Variants in GSK3B observed in about 807,000 individuals in gnomAD.
GSK3B encodes glycogen synthase kinase 3 beta, also known as glycogen synthase kinase-3 beta.
A neutral mutation model predicts 56.4 loss-of-function variants in GSK3B; 15 were observed. The observed-to-expected ratio is 0.27, with a 90% CI of 0.18 to 0.41. The LOEUF (loss-of-function observed/expected upper bound fraction) is 0.41. Ranked by LOEUF, GSK3B falls within the 10% of genes least tolerant of loss-of-function variation. The probability of loss-of-function intolerance (pLI) is 1.00; values close to 1 mark genes in which losing one functional copy is unlikely to be tolerated. For synonymous variants in GSK3B, 181 were observed against 188.9 expected (o/e 0.96, Z 0.34); for missense variants, 300 against 513.4 (o/e 0.58, Z 4.02).
chr3:119,926,463 C>T (rs767138127), intron 3 of GSK3B, among the ~76,000 whole-genome samples: 2 of 152,056 alleles, frequency 1.3e-5, no homozygotes, highest in African/African-American at 4.8e-5. Flanking sequence ...CTGGTAGAAC[C>T]CTCGTCCAAG....
At chr3:119,958,683 C>T (rs1376854282) in intron 2 of GSK3B, among the ~76,000 whole-genome samples, 5 of 151,362 alleles carry the variant, frequency 3.3e-5, no homozygotes, top group Non-Finnish European at 2.9e-5. Flanking sequence ...GTCTCTCCCT[C>T]GACCCTGGAA....
intron 1 of GSK3B, among the ~76,000 whole-genome samples, chr3:120,085,069 T>G (rs2107581223): frequency 6.6e-6 from 1 of 152,338 alleles, no homozygotes; most frequent in African/African-American, 2.4e-5. Context: ...AACTGGTTGT[T>G]GCAGAGCAGG....
intron 1 of GSK3B, among the ~76,000 whole-genome samples, chr3:120,011,183 AT>A (rs1468555885): frequency 3.9e-5 from 6 of 152,210 alleles, no homozygotes; most frequent in African/African-American, 1.4e-4. Flanking sequence ...GCATAACCAT[AT>A]TTCAATAAAG....
intron 3 of GSK3B, among the ~76,000 whole-genome samples, chr3:119,946,763 C>A (rs1304512309): frequency 6.6e-6 from 1 of 152,166 alleles, no homozygotes; most frequent in Non-Finnish European, 1.5e-5. Context: ...ACATAGGGAT[C>A]ACTTAAAGTA....
intron 1 of GSK3B, among the ~76,000 whole-genome samples, chr3:120,082,576 A>C (rs967272789): frequency 6.6e-6 from 1 of 151,556 alleles, no homozygotes; most frequent in Non-Finnish European, 1.5e-5. Context: ...TCGTATTTTT[A>C]GTAGAGACGG....
chr3:119,994,282 T>C (rs2107471166), intron 2 of GSK3B, among the ~76,000 whole-genome samples: 1 of 152,202 alleles, frequency 6.6e-6, no homozygotes, highest in African/African-American at 2.4e-5. Flanking sequence ...GTATGATATA[T>C]AAAATTAAAT....
chr3:120,029,221 G>T, intron 1 of GSK3B: 1 of 690,562 alleles, frequency 1.4e-6, no homozygotes, highest in Non-Finnish European at 2.7e-6. Context: ...TAACCTAAGC[G>T]ATGGCCACCA....
intron 1 of GSK3B, among the ~76,000 whole-genome samples, chr3:120,077,405 T>C (rs2058376317): frequency 6.6e-6 from 1 of 152,112 alleles, no homozygotes; most frequent in African/African-American, 2.4e-5. Flanking sequence ...TATATCATGA[T>C]CTCAATTATA....
At chr3:119,915,937 A>G in intron 5 of GSK3B, 107 bp downstream of exon 5, 1 of 723,724 alleles carries the variant, frequency 1.4e-6, no homozygotes, top group Non-Finnish European at 2.3e-6. Flanking sequence ...CTTCTTGAAT[A>G]AGAATTACTG....
At chr3:119,942,847 A>C (rs892044385) in intron 3 of GSK3B, among the ~76,000 whole-genome samples, 1 of 152,086 alleles carries the variant, frequency 6.6e-6, no homozygotes, top group Non-Finnish European at 1.5e-5. Context: ...AAAACACTCA[A>C]ATATCTCATT....
chr3:120,060,301 G>C (rs2058225907), intron 1 of GSK3B, among the ~76,000 whole-genome samples: 1 of 152,088 alleles, frequency 6.6e-6, no homozygotes, highest in Admixed American at 6.6e-5. Flanking sequence ...GAAGGCCTAA[G>C]AAAAACATTT....
intron 10 of GSK3B, among the ~76,000 whole-genome samples, chr3:119,828,181 G>A (rs1270138842): frequency 2.6e-5 from 4 of 152,104 alleles, no homozygotes; most frequent in African/African-American, 4.8e-5. Flanking sequence ...AGCTTACTTT[G>A]CCCTAATCTT....
chr3:120,037,412 T>C (rs2058032039), intron 1 of GSK3B, among the ~76,000 whole-genome samples: 1 of 152,140 alleles, frequency 6.6e-6, no homozygotes, highest in African/African-American at 2.4e-5. Flanking sequence ...CCAGAAATGG[T>C]GACAGACTGA....
At chr3:119,854,070 G>A (rs752220158) in intron 9 of GSK3B, among the ~76,000 whole-genome samples, 83 of 151,572 alleles carry the variant, frequency 5.5e-4, no homozygotes, top group Non-Finnish European at 1.1e-3. Context: ...TCATAAACAT[G>A]TTATTAATTT....
At chr3:119,850,942 G>T (rs1406793840) in intron 9 of GSK3B, among the ~76,000 whole-genome samples, 1 of 152,120 alleles carries the variant, frequency 6.6e-6, no homozygotes, top group East Asian at 1.9e-4. Context: ...AAGGATAAAA[G>T]ATAGACTGTG....
intron 8 of GSK3B, among the ~76,000 whole-genome samples, chr3:119,864,020 G>C (rs1226068921): frequency 6.6e-6 from 1 of 152,152 alleles, no homozygotes; most frequent in Non-Finnish European, 1.5e-5. Context: ...GAGCAGCACT[G>C]TTCGAAAACT....
chr3:120,046,508 A>T (rs1254436054), intron 1 of GSK3B, among the ~76,000 whole-genome samples: 2 of 152,220 alleles, frequency 1.3e-5, no homozygotes, highest in African/African-American at 4.8e-5. Context: ...CTTTTCTTAA[A>T]AAGTAAGAAA....
At chr3:119,999,643 T>G (rs926582198) in intron 2 of GSK3B, among the ~76,000 whole-genome samples, 2 of 152,190 alleles carry the variant, frequency 1.3e-5, no homozygotes, top group Non-Finnish European at 2.9e-5. Flanking sequence ...TTATGGACAA[T>G]ATGGGCTCGA....
intron 2 of GSK3B, among the ~76,000 whole-genome samples, chr3:119,980,643 C>T (rs62264742): frequency 0.24 from 36,667 of 152,040 alleles, 4,875 homozygotes; most frequent in East Asian, 0.48. Flanking sequence ...CGTGAGACAC[C>T]GCACCCAGCC....
Sources: gnomAD v4.1 joint callset for allele counts (sites outside exome capture counted in the v4.1 genomes callset) on GRCh38, gnomAD v4.1.1 for gene constraint, MANE v1.5 for transcripts, NCBI Gene and HGNC (gene_info 2026-07-23, HGNC 2026-07-21) for gene names.